The following MAP2K7 variants were observed in gnomAD, a reference collection of about 807,000 sequenced individuals.
MAP2K7 encodes the protein mitogen-activated protein kinase kinase 7, also known as dual specificity mitogen-activated protein kinase kinase 7.
A neutral mutation model predicts 47.7 loss-of-function variants in MAP2K7; 12 were observed. The observed-to-expected ratio is 0.25, with a 90% confidence interval of 0.16 to 0.41. The LOEUF (loss-of-function observed/expected upper bound fraction) is 0.41. Ranked by LOEUF, MAP2K7 falls within the 10% of genes least tolerant of loss-of-function variation. MAP2K7 has a pLI of 1.00. For synonymous variants in MAP2K7, 299 were observed against 243.0 expected (o/e 1.23, Z -2.14); for missense variants, 415 against 600.3 (o/e 0.69, Z 3.23).
intron 1 of MAP2K7, chr19:7,905,877 C>T (rs748673665): frequency 6.2e-7 from 1 of 1,610,806 alleles, no homozygotes; most frequent in African/African-American, 1.3e-5. Flanking sequence ...TTTATCATCG[C>T]TGCTTGGACA....
chr19:7,905,987 TTCTC>T (rs368873882), intron 1 of MAP2K7: 30 of 816,112 alleles, frequency 3.7e-5, no homozygotes, highest in East Asian at 2.2e-4. Flanking sequence ...CACTCTCACT[TTCTC>T]TCTCACTCCA....
At chr19:7,909,616 C>T (rs1468905553) in intron 1 of MAP2K7, 139 bp from the exon 2 acceptor site, 9 of 591,014 alleles carry the variant, frequency 1.5e-5, no homozygotes, top group Admixed American at 6.1e-5. Context: ...CCCAGCAGGG[C>T]AGGGGGCTGT....
Position 7,906,171 on chromosome 19 carries a change from CTG to C in MAP2K7, c.124+2104_124+2105del, listed in dbSNP as rs1439181501. ...GGGGTGCACGCCTGTGTGTGTGTAA[CTG>C]AGAGAACGAGAAAGTTGGGCCTGGT... On this transcript the variant is annotated intron_variant, in intron 1 of 10. Coordinates refer to ENST00000397979, the MANE Select transcript of MAP2K7 (RefSeq NM_145185.4). 15 of 388,142 alleles carry C rather than the reference CTG, an allele frequency of 3.9e-5. No homozygotes were observed. The South Asian group carries it at 5.0e-4, about 13-fold the overall frequency. The allele number at this position is 388,142 out of a possible 1,614,324, so 24.0% of individuals were successfully genotyped here.
chr19:7,911,504 C>A lies in MAP2K7; in HGVS notation c.1005C>A (p.Val335=). ...CKTDFEVLTK[V]LQEEPPLLPG... is the part of the protein sequence containing the mutation. ...CGGACTTTGAGGTCCTCACCAAAGT[C>A]CTACAGGAAGAGCCCCCGCTTCTGC... Residue 335 remains valine, a synonymous_variant, in exon 9 of 11, where the codon GTC becomes GTA. Coordinates refer to ENST00000397979, the MANE Select transcript of MAP2K7 (RefSeq NM_145185.4). The A allele has an allele frequency of 6.2e-7, 1 of 1,613,260 alleles. No homozygotes were observed. Among genetic ancestry groups the A allele is most frequent in the African/African-American group, 1.3e-5 (1 of 75,054 alleles).
At position 7,913,775 on chromosome 19, in the gene MAP2K7, A is replaced by G. The variant is rs1486419180; in HGVS notation, c.*1344A>G. ...AATAACAAAACAAAAAACAAGAAAA[A>G]AAAAACACAAAACCCCGTAAAATCA... is the stretch of plus-strand genomic sequence containing the variant. On this transcript the variant is annotated 3_prime_UTR_variant, in exon 11 of 11. Transcript: ENST00000397979. 1 of 152,340 alleles carries G rather than the reference A, an allele frequency of 6.6e-6. No homozygotes were observed. Among genetic ancestry groups the G allele is most frequent in the Non-Finnish European group, 1.5e-5 (1 of 67,980 alleles). The allele number at this position is 152,340 out of a possible 1,614,324, so 9.4% of individuals were successfully genotyped here.
intron 1 of MAP2K7, among the ~76,000 whole-genome samples, chr19:7,909,157 A>G (rs1982652149): frequency 6.6e-6 from 1 of 152,206 alleles, no homozygotes; most frequent in African/African-American, 2.4e-5. Flanking sequence ...AGGCCAGGCC[A>G]GGAGGCCCTC....
chr19:7,912,237 A>AGGC, intron 10 of MAP2K7, 43 bp downstream of exon 10: 1 of 1,613,416 alleles, frequency 6.2e-7, no homozygotes, highest in Non-Finnish European at 8.5e-7. Flanking sequence ...GTCCCTGCGG[A>AGGC]GGCGCGAGGC....
intron 2 of MAP2K7, 31 bp from the exon 3 acceptor site, chr19:7,910,032 A>G: frequency 1.3e-6 from 2 of 1,573,634 alleles, no homozygotes; most frequent in South Asian, 1.2e-5. Flanking sequence ...GTCAGGACCC[A>G]CCTCCACCGG....
At chr19:7,906,102 G>A in intron 1 of MAP2K7, 1 of 550,064 alleles carries the variant, frequency 1.8e-6, no homozygotes, top group Non-Finnish European at 3.3e-6. Flanking sequence ...AGGAGGAGGT[G>A]GGCTCCCCCA....
rs7247283 is a variant in MAP2K7, at chr19:7,913,044, C to T, written c.*613C>T. ...GGCTGGACGGGGCTGCGCGCTCGCG[C>T]TCTCTCTCTCTCTCTCTCTCTCTCT... On this transcript the variant is annotated 3_prime_UTR_variant, in exon 11 of 11. Coordinates refer to ENST00000397979, the MANE Select transcript of MAP2K7 (RefSeq NM_145185.4). 1.7e-3 allele frequency: 111 copies of T among 63,962 alleles called. No homozygotes were observed. The highest frequency in any genetic ancestry group is 4.5e-3 in the African/African-American group (88 of 19,470). The allele number at this position is 63,962 out of a possible 1,614,324, so 4.0% of individuals were successfully genotyped here.
chr19:7,907,767 A>G (rs1204637826), intron 1 of MAP2K7, among the ~76,000 whole-genome samples: 1 of 151,946 alleles, frequency 6.6e-6, no homozygotes, highest in Non-Finnish European at 1.5e-5. Flanking sequence ...GTGGTCGTCA[A>G]CCGCTGAGTG....
chr19:7,906,140 G>A (rs908842070), intron 1 of MAP2K7: 5 of 496,170 alleles, frequency 1.0e-5, no homozygotes, highest in Non-Finnish European at 1.8e-5. Context: ...GCCTCCGGGG[G>A]TGGGGGGGGT....
At chr19:7,911,972 C>T (rs1042152100) in intron 9 of MAP2K7, among the ~76,000 whole-genome samples, 177 bp from the exon 10 acceptor site, 1 of 152,172 alleles carries the variant, frequency 6.6e-6, no homozygotes, top group South Asian at 2.1e-4. Flanking sequence ...GGCCAGGAGG[C>T]TCCGGGACTC....
rs774451565 is a variant in MAP2K7 at position 7,912,821 on chromosome 19, C to T, written c.*390C>T. The stretch of plus-strand genomic sequence containing the variant: ...CCTTCGCCACTCCCACGCGCCCGTT[C>T]CTCTTCCGTCGCCCTCTGTCCCCTG... On this transcript the variant is annotated 3_prime_UTR_variant, in exon 11 of 11. Transcript: ENST00000397979. 6.7e-5 allele frequency: 16 copies of T among 240,600 alleles called. No individual in the cohort carries two copies. Among genetic ancestry groups the T allele is most frequent in the Non-Finnish European group, 1.2e-4 (15 of 121,250 alleles). The allele number at this position is 240,600 out of a possible 1,614,324, so 14.9% of individuals were successfully genotyped here. A position where few individuals can be genotyped will look rare whatever the true frequency, so the allele number is the denominator to read the frequency against.
rs1170559438 is a variant in MAP2K7, at chr19:7,913,831, G to C, written c.*1400G>C. The C allele has an allele frequency of 3.3e-5, 5 of 152,352 alleles. No individual in the cohort carries two copies. The highest frequency in any genetic ancestry group is 1.2e-4 in the African/African-American group (5 of 41,386). 9.4% of individuals were successfully genotyped at this position (152,352 alleles called of 1,614,324 possible). On this transcript the variant is annotated 3_prime_UTR_variant, in exon 11 of 11. Transcript: ENST00000397979. ...AAAATCCAACACCAAAGGCGCAGAA[G>C]CCGGCTGGCCGTGGTGGGGGCAGCG...
In MAP2K7 at chr19:7,909,192, G is replaced by A. The variant is rs559076910; in HGVS notation, c.125-563G>A. On this transcript the variant is annotated intron_variant, in intron 1 of 10. Transcript: ENST00000397979. ...CATGTCAGCCCACTGGCCCGAGGGG[G>A]GCCCTCCCTGACCCCGGAACAGAAG... is the stretch of plus-strand genomic sequence containing the variant. Among the ~76,000 whole-genome samples the A allele has an allele frequency of 3.3e-5, 5 of 152,326 alleles. No individual in the cohort carries two copies. The South Asian group carries it at 8.3e-4, about 25-fold the overall frequency.
At position 7,912,341 on chromosome 19, in the gene MAP2K7, G is replaced by A. The variant is rs540504510; in HGVS notation, c.1170G>A (p.Val390=). The A allele has an allele frequency of 1.4e-4, 220 of 1,613,590 alleles. No individual in the cohort carries two copies. The South Asian group carries it at 2.4e-3, about 17-fold the overall frequency. The change falls in exon 11 of 11, where the codon GTG becomes GTA. Residue 390 remains valine (V), a synonymous_variant. Coordinates refer to ENST00000397979, the MANE Select transcript of MAP2K7 (RefSeq NM_145185.4). ...IKRYETLEVD[V]ASWFKDVMAK... ...GCTACGAGACGCTGGAGGTGGACGT[G>A]GCGTCCTGGTTCAAGGATGTCATGG...
At position 7,912,587 on chromosome 19, in the gene MAP2K7, C is replaced by G. The variant is rs564323513; in HGVS notation, c.*156C>G. 7 of 867,626 alleles carry G rather than the reference C, an allele frequency of 8.1e-6. No homozygotes were observed. Among genetic ancestry groups the G allele is most frequent in the Admixed American group, 6.0e-5 (2 of 33,468 alleles). The allele number at this position is 867,626 out of a possible 1,614,324, so 53.7% of individuals were successfully genotyped here. On this transcript the variant is annotated 3_prime_UTR_variant, in exon 11 of 11. Transcript: ENST00000397979. Reference sequence around the variant, plus strand: ...GTGGGGGGTGCCCACCCACCCCCCCCGCCCCGGGCCTACCAAGCCCCCGCC... The same window carrying G: ...GTGGGGGGTGCCCACCCACCCCCCCGGCCCCGGGCCTACCAAGCCCCCGCC...
intron 1 of MAP2K7, chr19:7,905,891 GC>G (rs1350857358): frequency 1.0e-5 from 16 of 1,604,516 alleles, no homozygotes; most frequent in Non-Finnish European, 1.3e-5. Context: ...TTGGACATCT[GC>G]ACCATTGACC....
Sources: allele counts gnomAD v4.1 joint callset (sites outside exome capture counted in the v4.1 genomes callset), GRCh38; gene constraint gnomAD v4.1.1; transcripts MANE v1.5; gene names NCBI Gene and HGNC (gene_info 2026-07-23, HGNC 2026-07-21).